TACC2: variants seen among roughly 807,000 people sequenced by gnomAD.
TACC2 encodes the protein transforming acidic coiled-coil-containing protein 2.
TACC2 carries 137 observed loss-of-function variants against 227.3 expected under a neutral mutation model. That is an observed-to-expected ratio of 0.60 (90% CI 0.52 to 0.69). The LOEUF is 0.69. Among genes scored for constraint, TACC2 ranks in the 30% least tolerant of loss-of-function variants. The probability of loss-of-function intolerance (pLI) is 0.00; values close to 1 mark genes in which losing one functional copy is unlikely to be tolerated. For synonymous variants in TACC2, 1,523 were observed against 1,487.5 expected (o/e 1.02, Z -0.55); for missense variants, 3,470 against 3,694.4 (o/e 0.94, Z 1.57).
At chr10:122,034,914 T>G (rs1274986093) in intron 2 of TACC2, among the ~76,000 whole-genome samples, 1 of 134,188 alleles carries the variant, frequency 7.5e-6, no homozygotes. Context: ...GGCGATAGAG[T>G]GAGACTCCAT....
chr10:122,220,284 G>GT (rs1301841107), intron 11 of TACC2, among the ~76,000 whole-genome samples: 2 of 152,074 alleles, frequency 1.3e-5, no homozygotes, highest in African/African-American at 2.4e-5. Flanking sequence ...TTTGACAGTT[G>GT]TTTTTTTCTG....
chr10:122,170,130 T>A (rs921659930), intron 7 of TACC2, among the ~76,000 whole-genome samples: 5 of 152,114 alleles, frequency 3.3e-5, no homozygotes, highest in African/African-American at 1.2e-4. Flanking sequence ...CGTAGAACTC[T>A]GATGACCATC....
At chr10:122,224,249 C>T (rs919821960) in intron 11 of TACC2, among the ~76,000 whole-genome samples, 2 of 152,206 alleles carry the variant, frequency 1.3e-5, no homozygotes, top group African/African-American at 2.4e-5. Flanking sequence ...GGAACAATAT[C>T]GTCCTTCCCT....
chr10:122,002,660 G>A (rs1954546111), intron 1 of TACC2, among the ~76,000 whole-genome samples: 1 of 152,124 alleles, frequency 6.6e-6, no homozygotes. Context: ...TCGTTTTTCT[G>A]TGGAAATAGG....
chr10:122,027,081 G>A (rs1958124735), intron 2 of TACC2, among the ~76,000 whole-genome samples: 2 of 152,190 alleles, frequency 1.3e-5, no homozygotes, highest in Admixed American at 6.5e-5. Flanking sequence ...CCTACCAGCT[G>A]TGAATGGGAG....
intron 18 of TACC2, among the ~76,000 whole-genome samples, chr10:122,239,257 C>T (rs1481415784): frequency 6.6e-6 from 1 of 152,228 alleles, no homozygotes; most frequent in East Asian, 1.9e-4. Flanking sequence ...GATCTGCCTG[C>T]CTTGGCCTCC....
At chr10:122,162,141 T>A (rs1302031927) in intron 7 of TACC2, among the ~76,000 whole-genome samples, 5 of 152,230 alleles carry the variant, frequency 3.3e-5, no homozygotes, top group Admixed American at 6.5e-5. Flanking sequence ...ACCTTCTCAG[T>A]GTTTCTGGGA....
intron 7 of TACC2, among the ~76,000 whole-genome samples, chr10:122,160,413 C>G (rs2092746434): frequency 6.6e-6 from 1 of 152,106 alleles, no homozygotes; most frequent in African/African-American, 2.4e-5. Context: ...GTGATTTCTT[C>G]CAGTTCTGGA....
chr10:122,235,748 G>A (rs927523678), intron 16 of TACC2, among the ~76,000 whole-genome samples: 1 of 152,132 alleles, frequency 6.6e-6, no homozygotes, highest in East Asian at 1.9e-4. Flanking sequence ...TGGGAGGTCA[G>A]CCTGCCTCTG....
chr10:122,090,373 C>A (rs1055027106), intron 5 of TACC2, among the ~76,000 whole-genome samples: 3 of 151,356 alleles, frequency 2.0e-5, no homozygotes, highest in Admixed American at 6.6e-5. Flanking sequence ...GGTGAAACCC[C>A]GTCTGTACTA....
intron 7 of TACC2, among the ~76,000 whole-genome samples, chr10:122,191,980 A>G (rs1227768812): frequency 6.6e-6 from 1 of 152,182 alleles, no homozygotes; most frequent in East Asian, 1.9e-4. Context: ...TTGGGGGTGG[A>G]CTGCCGAAAT....
intron 19 of TACC2, chr10:122,248,283 A>G (rs910983272): frequency 1.9e-5 from 4 of 206,880 alleles, no homozygotes; most frequent in Non-Finnish European, 4.0e-5. Flanking sequence ...TTCACTAGCG[A>G]TGTCTTCTTT....
chr10:122,071,151 T>G (rs1316675182), intron 3 of TACC2, among the ~76,000 whole-genome samples: 2 of 152,218 alleles, frequency 1.3e-5, no homozygotes, highest in African/African-American at 2.4e-5. Context: ...TTATTCAAGT[T>G]TTAAAGATCT....
intron 7 of TACC2, among the ~76,000 whole-genome samples, chr10:122,179,015 G>T (rs1162770099): frequency 6.6e-6 from 1 of 152,198 alleles, no homozygotes; most frequent in Non-Finnish European, 1.5e-5. Context: ...AGAAAACAAA[G>T]CACAAAGCTG....
intron 1 of TACC2, among the ~76,000 whole-genome samples, chr10:122,006,778 G>A (rs1955207197): frequency 6.6e-6 from 1 of 150,530 alleles, no homozygotes; most frequent in South Asian, 2.1e-4. Flanking sequence ...TTCTTTGCCT[G>A]TCTCCTATTT....
chr10:122,022,063 AC>A (rs759932619), intron 2 of TACC2, 49 bp downstream of exon 2: 9 of 1,602,410 alleles, frequency 5.6e-6, no homozygotes, highest in African/African-American at 1.3e-5. Context: ...CTCTTGGCAG[AC>A]CTTGACTAGG....
Position 122,141,686 on chromosome 10 carries a change from C to G in TACC2, c.5700-1886C>G, listed in dbSNP as rs77224786. Among the ~76,000 whole-genome samples, 95 of 152,174 alleles carry G rather than the reference C, an allele frequency of 6.2e-4. 1 individual carries two copies. In the East Asian group the frequency reaches 0.015, roughly 24 times the overall value. ...CACAGATCTAAGGTAGCATCTCCCCCCCACCCGCCACTGTTTTCTAAGACA... is the reference window on the plus strand; with the variant it reads ...CACAGATCTAAGGTAGCATCTCCCCGCCACCCGCCACTGTTTTCTAAGACA... On this transcript the variant is annotated intron_variant, in intron 6 of 22. Coordinates refer to ENST00000369005, the MANE Select transcript of TACC2 (RefSeq NM_206862.4). This position sits in a 1 kb window ranked among gnomAD's most constrained non-coding sequence, Gnocchi z 4.3.
rs1255268589 is a variant in TACC2, at chr10:122,211,448, G to A, written c.7023G>A (p.Lys2341=). 6.2e-7 allele frequency: 1 copy of A among 1,614,106 alleles called. No individual in the cohort carries two copies. Among genetic ancestry groups the A allele is most frequent in the Non-Finnish European group, 8.5e-7 (1 of 1,180,032 alleles). Residue 2341 remains lysine (K), a synonymous_variant, in exon 9 of 23, where the codon AAG becomes AAA. Transcript: ENST00000369005. The stretch of plus-strand genomic sequence containing the variant: ...GTACTTACACCTTTGATATTGACAA[G>A]TGGGATGACCCCAATTTTAACCCTT... ...AKGTYTFDID[K]WDDPNFNPFS...
In TACC2 at chr10:122,087,576, C is replaced by T; in HGVS notation, c.5076C>T (p.Pro1692=). 1 of 1,613,696 alleles carries T rather than the reference C, an allele frequency of 6.2e-7. No individual in the cohort carries two copies. Among genetic ancestry groups the T allele is most frequent in the Non-Finnish European group, 8.5e-7 (1 of 1,180,026 alleles). ...CAACTGGAGAAGTGGCAGACACTCC[C>T]CTGGAGCCTGGCAAGGTGGCAGGCG... ...APPTGEVADT[P]LEPGKVAGAA... Residue 1692 remains proline (P), a synonymous_variant, in exon 4 of 23, where the codon CCC becomes CCT. Coordinates refer to ENST00000369005, the MANE Select transcript of TACC2 (RefSeq NM_206862.4).
Sources: allele counts gnomAD v4.1 joint callset (sites outside exome capture counted in the v4.1 genomes callset), GRCh38; gene constraint gnomAD v4.1.1; non-coding constraint Gnocchi (gnomAD v3.1); transcripts MANE v1.5; gene names NCBI Gene and HGNC (gene_info 2026-07-23, HGNC 2026-07-21).